Variants in VSNL1 observed in about 807,000 individuals in gnomAD.
The protein encoded by VSNL1 is visinin like 1.
Under a neutral mutation model 20.4 loss-of-function variants are expected in VSNL1, and 6 were observed. The ratio of observed to expected loss-of-function variants is 0.29; its 90% CI spans 0.16 to 0.58. The LOEUF is 0.58. Among genes scored for constraint, VSNL1 ranks in the 20% least tolerant of loss-of-function variants. The probability of loss-of-function intolerance (pLI) is 0.90; values close to 1 mark genes in which losing one functional copy is unlikely to be tolerated. For missense variants in VSNL1, 100 were observed against 234.5 expected, an observed-to-expected ratio of 0.43 and a Z score of 3.75; for synonymous variants, 93 against 86.4, an observed-to-expected ratio of 1.08 and a Z score of -0.42.
intron 2 of VSNL1, among the ~76,000 whole-genome samples, chr2:17,647,493 T>A (rs1016393520): frequency 6.6e-6 from 1 of 152,310 alleles, no homozygotes; most frequent in South Asian, 2.1e-4. Flanking sequence ...GGACCACTCA[T>A]GCATAAGGCA....
chr2:17,644,145 G>T (rs555120623), intron 2 of VSNL1, among the ~76,000 whole-genome samples: 48 of 151,916 alleles, frequency 3.2e-4, no homozygotes, highest in African/African-American at 1.2e-3. Context: ...CTACAATGGG[G>T]TCCTATTCCT....
At chr2:17,609,226 T>C (rs1003341004) in intron 2 of VSNL1, among the ~76,000 whole-genome samples, 6 of 152,228 alleles carry the variant, frequency 3.9e-5, no homozygotes, top group African/African-American at 1.4e-4. Flanking sequence ...CTTACCTGGC[T>C]CACCACAGTG....
At chr2:17,550,881 C>T (rs1004432809) in intron 1 of VSNL1, among the ~76,000 whole-genome samples, 1 of 152,172 alleles carries the variant, frequency 6.6e-6, no homozygotes, top group Non-Finnish European at 1.5e-5. Context: ...GCTTCTCAGT[C>T]CTCTTAGCAC....
At chr2:17,601,812 G>A (rs1253391800) in intron 2 of VSNL1, among the ~76,000 whole-genome samples, 1 of 151,866 alleles carries the variant, frequency 6.6e-6, no homozygotes, top group Non-Finnish European at 1.5e-5. Context: ...GCATGCACCT[G>A]TAGTCCCAGC....
chr2:17,572,443 G>A (rs531501742), intron 1 of VSNL1, among the ~76,000 whole-genome samples: 1 of 152,050 alleles, frequency 6.6e-6, no homozygotes, highest in South Asian at 2.1e-4. Flanking sequence ...GTAAGACTAG[G>A]GGTCTCTAGT....
chr2:17,542,604 T>C (rs1663310780), intron 1 of VSNL1, among the ~76,000 whole-genome samples: 1 of 152,214 alleles, frequency 6.6e-6, no homozygotes, highest in Non-Finnish European at 1.5e-5. Context: ...TAAATCATAC[T>C]GCCTTGTCTA....
intron 2 of VSNL1, among the ~76,000 whole-genome samples, chr2:17,613,849 A>G (rs1384749751): frequency 6.6e-6 from 1 of 152,222 alleles, no homozygotes; most frequent in Non-Finnish European, 1.5e-5. Context: ...AAATGGTTGC[A>G]TGTAGGGAGA....
At chr2:17,568,081 C>T (rs1246540927) in intron 1 of VSNL1, among the ~76,000 whole-genome samples, 1 of 152,068 alleles carries the variant, frequency 6.6e-6, no homozygotes, top group African/African-American at 2.4e-5. Context: ...CATCTATCTT[C>T]TTATATTATA....
At chr2:17,652,207 TC>T (rs57717435) in intron 3 of VSNL1, among the ~76,000 whole-genome samples, 53,763 of 151,868 alleles carry the variant, frequency 0.35, 10,395 homozygotes, top group African/African-American at 0.48. Context: ...AAAAGAGGTT[TC>T]CAGAGGACTG....
chr2:17,630,092 A>C (rs1218993957), intron 2 of VSNL1, among the ~76,000 whole-genome samples: 1 of 152,272 alleles, frequency 6.6e-6, no homozygotes, highest in African/African-American at 2.4e-5. Flanking sequence ...ACAAGCAAGC[A>C]AGCCAAACGA....
intron 1 of VSNL1, among the ~76,000 whole-genome samples, chr2:17,547,317 A>G (rs530792240): frequency 6.6e-6 from 1 of 152,200 alleles, no homozygotes; most frequent in East Asian, 1.9e-4. Flanking sequence ...AAAATGTACA[A>G]TAAATAATAG....
intron 1 of VSNL1, among the ~76,000 whole-genome samples, chr2:17,549,379 G>GT: frequency 6.6e-6 from 1 of 152,118 alleles, no homozygotes; most frequent in Admixed American, 6.5e-5. Context: ...CATACATCCA[G>GT]ATAGATAGAT....
At chr2:17,621,677 G>T (rs1665363273) in intron 2 of VSNL1, among the ~76,000 whole-genome samples, 1 of 152,086 alleles carries the variant, frequency 6.6e-6, no homozygotes, top group Admixed American at 6.5e-5. Context: ...ACCCAGGCTG[G>T]AGTGCAATGG....
At chr2:17,586,569 C>T (rs534890407) in intron 1 of VSNL1, among the ~76,000 whole-genome samples, 2 of 152,294 alleles carry the variant, frequency 1.3e-5, no homozygotes, top group African/African-American at 4.8e-5. Context: ...TTGTAAATGT[C>T]TCCTGCATCC....
At chr2:17,644,263 CCTT>C (rs1409562290) in intron 2 of VSNL1, among the ~76,000 whole-genome samples, 1 of 152,220 alleles carries the variant, frequency 6.6e-6, no homozygotes, top group Non-Finnish European at 1.5e-5. Flanking sequence ...CCAACACTAA[CCTT>C]CTGCCCATCG....
At chr2:17,590,673 G>T (rs546378061) in intron 1 of VSNL1, among the ~76,000 whole-genome samples, 1 of 152,276 alleles carries the variant, frequency 6.6e-6, no homozygotes, top group African/African-American at 2.4e-5. Context: ...CAATGTTGGG[G>T]CAGGTTACTG....
chr2:17,636,277 T>C (rs577684008), intron 2 of VSNL1, among the ~76,000 whole-genome samples: 6 of 152,152 alleles, frequency 3.9e-5, no homozygotes, highest in African/African-American at 1.4e-4. Context: ...CTCATCTCTC[T>C]GGCCACACTC....
At chr2:17,572,077 T>G (rs577272466) in intron 1 of VSNL1, among the ~76,000 whole-genome samples, 2 of 152,292 alleles carry the variant, frequency 1.3e-5, no homozygotes, top group African/African-American at 4.8e-5. Context: ...CACCCTGATT[T>G]TCTTAAGGTA....
intron 1 of VSNL1, among the ~76,000 whole-genome samples, chr2:17,579,184 T>C (rs1664291397): frequency 6.6e-6 from 1 of 152,032 alleles, no homozygotes; most frequent in Non-Finnish European, 1.5e-5. Context: ...GGTGCAATCT[T>C]GGCTCACTGC....
Sources: gnomAD v4.1 joint callset for allele counts (sites outside exome capture counted in the v4.1 genomes callset) on GRCh38, gnomAD v4.1.1 for gene constraint, MANE v1.5 for transcripts, NCBI Gene and HGNC (gene_info 2026-07-23, HGNC 2026-07-21) for gene names.